The following ATP13A4 variants were observed in gnomAD, a reference collection of about 807,000 sequenced individuals.
The protein encoded by ATP13A4 is ATPase 13A4.
In ATP13A4, 114 loss-of-function variants were observed where a neutral mutation model predicts 142.5. The observed-to-expected ratio is 0.80, with a 90% CI of 0.69 to 0.93. The LOEUF is 0.93. Among genes scored for constraint, ATP13A4 ranks in the 40% least tolerant of loss-of-function variants. The pLI is 0.00. For missense variants in ATP13A4, 1,392 were observed against 1,454.0 expected, an observed-to-expected ratio of 0.96 and a Z score of 0.69; for synonymous variants, 488 against 514.8, an observed-to-expected ratio of 0.95 and a Z score of 0.70.
chr3:193,580,261 TAGGTGGGCCTCCA>T (rs1221468059), intron 2 of ATP13A4, among the ~76,000 whole-genome samples: 1 of 152,192 alleles, frequency 6.6e-6, no homozygotes, highest in Non-Finnish European at 1.5e-5. Flanking sequence ...CACTGCTGTT[TAGGTGGGCCTCCA>T]AACTGGGAGA....
At chr3:193,576,274 T>TC (rs1724392482) in intron 2 of ATP13A4, among the ~76,000 whole-genome samples, 1 of 127,930 alleles carries the variant, frequency 7.8e-6, no homozygotes, top group Non-Finnish European at 1.7e-5. Context: ...TTTTTTTTTT[T>TC]TTTTTTTTGA....
chr3:193,491,329 C>G lies in ATP13A4; in HGVS notation c.603G>C (p.Glu201Asp), dbSNP rs1233947031. Residue 201 changes from glutamate to aspartate, a missense_variant and splice_region_variant, in exon 6 of 30, where the codon GAG (glutamate) becomes GAC (aspartate). By Grantham distance (45) the Glu-to-Asp change is conservative. Coordinates refer to ENST00000342695, the MANE Select transcript of ATP13A4 (RefSeq NM_032279.4). The stretch of plus-strand genomic sequence containing the variant: ...CAAGAGAAAATGCTGGAGAAATTAC[C>G]TCCTTGATGAGCAGTTTCCAAATTG... ...VTPIWKLLIK[E>D]VLNPFYIFQL... The G allele has an allele frequency of 6.3e-7, 1 of 1,593,308 alleles. No individual in the cohort carries two copies. Among genetic ancestry groups the G allele is most frequent in the South Asian group, 1.1e-5 (1 of 90,606 alleles).
chr3:193,416,667 C>T (rs1715079671), intron 25 of ATP13A4, among the ~76,000 whole-genome samples: 1 of 151,702 alleles, frequency 6.6e-6, no homozygotes, highest in African/African-American at 2.4e-5. Context: ...TTGAAAATAT[C>T]CAACCTGAGG....
In ATP13A4 at chr3:193,583,034, A is replaced by T. The variant is rs111781338; in HGVS notation, n.92-1128T>A. Among the ~76,000 whole-genome samples, 566 of 138,814 alleles carry T rather than the reference A, an allele frequency of 4.1e-3. 10 individuals carry two copies. Among genetic ancestry groups the T allele is most frequent in the African/African-American group, 0.016 (540 of 33,030 alleles). 91.1% of individuals were successfully genotyped at this position (138,814 alleles called of 152,430 possible). On this transcript the variant is annotated intron_variant and non_coding_transcript_variant, in intron 1 of 3. Transcript: ENST00000489140. ...TATATTATATAGATATAAAAAATAT[A>T]TATGTATAACAATGAAAACCCTCTA...
chr3:193,552,885 C>A (rs1723660336), intron 1 of ATP13A4, among the ~76,000 whole-genome samples: 3 of 152,108 alleles, frequency 2.0e-5, no homozygotes, highest in African/African-American at 7.2e-5. Flanking sequence ...TAGCTAGTGG[C>A]CAAGAAAATG....
At chr3:193,582,427 G>A (rs555922512) in intron 1 of ATP13A4, among the ~76,000 whole-genome samples, 21 of 148,282 alleles carry the variant, frequency 1.4e-4, no homozygotes, top group African/African-American at 4.9e-4. Flanking sequence ...GACTACAGGC[G>A]TGAGCCACCG....
At chr3:193,433,672 G>A (rs551801759) in intron 25 of ATP13A4, among the ~76,000 whole-genome samples, 173 bp downstream of exon 25, 1 of 152,226 alleles carries the variant, frequency 6.6e-6, no homozygotes, top group African/African-American at 2.4e-5. Context: ...ATACTTTCTT[G>A]CAATACTTAA....
intron 25 of ATP13A4, among the ~76,000 whole-genome samples, chr3:193,425,580 C>T (rs1005479875): frequency 6.6e-6 from 1 of 151,702 alleles, no homozygotes; most frequent in Non-Finnish European, 1.5e-5. Flanking sequence ...AGCTTGAGGA[C>T]ACTGTGCTAA....
chr3:193,561,003 G>C (rs929714779), intron 2 of ATP13A4, among the ~76,000 whole-genome samples: 3 of 152,144 alleles, frequency 2.0e-5, no homozygotes, highest in Non-Finnish European at 4.4e-5. Context: ...CAGAAACCTC[G>C]GGCCTGAGGC....
At chr3:193,466,343 C>T (rs571521104) in intron 10 of ATP13A4, among the ~76,000 whole-genome samples, 161 bp from the exon 11 acceptor site, 16 of 152,302 alleles carry the variant, frequency 1.1e-4, no homozygotes, top group African/African-American at 3.4e-4. Flanking sequence ...AATGCTGGAA[C>T]GGAAATCTCT....
intron 11 of ATP13A4, 29 bp from the exon 12 acceptor site, chr3:193,465,157 C>T (rs746115231): frequency 1.2e-6 from 2 of 1,607,410 alleles, no homozygotes; most frequent in Non-Finnish European, 1.7e-6. Context: ...TTAATTATTA[C>T]AGACAAATCT....
upstream of ATP13A4, among the ~76,000 whole-genome samples, chr3:193,559,178 G>T (rs1560282789): frequency 6.6e-6 from 1 of 152,260 alleles, no homozygotes; most frequent in Admixed American, 6.5e-5. Flanking sequence ...TACAAATATT[G>T]TTTTTTGCAA....
chr3:193,556,482 C>T (rs959823679), upstream of ATP13A4, among the ~76,000 whole-genome samples: 8 of 145,730 alleles, frequency 5.5e-5, no homozygotes, highest in Admixed American at 2.1e-4. Context: ...TATATATGTA[C>T]GTGTGTGTGT....
rs1222888731 is a variant in ATP13A4 at position 193,441,591 on chromosome 3, A to G, written c.2317-3T>C. On this transcript the variant is annotated splice_region_variant and splice_polypyrimidine_tract_variant and intron_variant, in intron 19 of 29. Transcript: ENST00000342695. Reference sequence around the variant, plus strand: ...TCCCTGATGTTAATGTAATTGTCCTACAAAGCAAGACACAGTTATTTTAGA... The same window carrying G: ...TCCCTGATGTTAATGTAATTGTCCTGCAAAGCAAGACACAGTTATTTTAGA... The G allele has an allele frequency of 6.2e-7, 1 of 1,612,890 alleles. No homozygotes were observed. Among genetic ancestry groups the G allele is most frequent in the African/African-American group, 1.3e-5 (1 of 74,914 alleles).
At chr3:193,542,595 T>C (rs1375943995) in intron 1 of ATP13A4, among the ~76,000 whole-genome samples, 2 of 152,040 alleles carry the variant, frequency 1.3e-5, no homozygotes, top group Non-Finnish European at 2.9e-5. Context: ...AAGTCTGCAG[T>C]AACCAAAACA....
intron 3 of ATP13A4, among the ~76,000 whole-genome samples, chr3:193,500,057 C>T (rs919230064): frequency 6.6e-6 from 1 of 152,202 alleles, no homozygotes; most frequent in Admixed American, 6.5e-5. Context: ...AGTTTATCTG[C>T]TTCCCCCATC....
chr3:193,438,980 A>G (rs367621249), intron 22 of ATP13A4, 43 bp downstream of exon 22: 143 of 1,561,140 alleles, frequency 9.2e-5, no homozygotes, highest in Non-Finnish European at 1.2e-4. Flanking sequence ...CTTAAGTGTA[A>G]TCGAATGTGA....
intron 25 of ATP13A4, among the ~76,000 whole-genome samples, chr3:193,423,286 A>C (rs1715491228): frequency 6.7e-6 from 1 of 149,798 alleles, no homozygotes; most frequent in Non-Finnish European, 1.5e-5. Flanking sequence ...CCAAACATTT[A>C]AAGAAGAACT....
At chr3:193,550,536 G>C (rs1408484586) in intron 1 of ATP13A4, among the ~76,000 whole-genome samples, 1 of 152,068 alleles carries the variant, frequency 6.6e-6, no homozygotes, top group Non-Finnish European at 1.5e-5. Flanking sequence ...GAACTCCTGG[G>C]CTCAAGCAAT....
Sources: gnomAD v4.1 joint callset for allele counts (sites outside exome capture counted in the v4.1 genomes callset) on GRCh38, gnomAD v4.1.1 for gene constraint, MANE v1.5 for transcripts, NCBI Gene and HGNC (gene_info 2026-07-23, HGNC 2026-07-21) for gene names.